TMEM163: variants seen among roughly 807,000 people sequenced by gnomAD.
The protein encoded by TMEM163 is transmembrane protein 163.
TMEM163 carries 17 observed loss-of-function variants against 29.3 expected under a neutral mutation model. The observed-to-expected ratio is 0.58, with a 90% CI of 0.40 to 0.87. The LOEUF (loss-of-function observed/expected upper bound fraction) is 0.87, where lower values mean the gene tolerates loss of function less well. TMEM163 is among the 40% of genes least tolerant of loss of function. TMEM163 has a pLI of 0.00. For missense variants in TMEM163, 303 were observed against 381.5 expected (o/e 0.79, Z 1.71); for synonymous variants, 157 against 160.6 (o/e 0.98, Z 0.17).
intron 2 of TMEM163, among the ~76,000 whole-genome samples, chr2:134,707,494 A>G (rs1257131231): frequency 6.6e-6 from 1 of 152,190 alleles, no homozygotes; most frequent in Non-Finnish European, 1.5e-5. Flanking sequence ...TTTCAGTAAA[A>G]TAAATACACG....
At chr2:134,555,358 C>A (rs1045453991) in intron 2 of TMEM163, among the ~76,000 whole-genome samples, 2 of 152,114 alleles carry the variant, frequency 1.3e-5, no homozygotes, top group African/African-American at 4.8e-5. Context: ...AGGCCTGAGC[C>A]AGGATGATTA....
At chr2:134,490,765 C>T (rs773543247) in intron 5 of TMEM163, among the ~76,000 whole-genome samples, 8 of 152,096 alleles carry the variant, frequency 5.3e-5, no homozygotes, top group Admixed American at 1.3e-4. Flanking sequence ...TCACATGTCA[C>T]GTAAAGGGGA....
intron 2 of TMEM163, among the ~76,000 whole-genome samples, chr2:134,577,345 C>T (rs889714356): frequency 2.6e-5 from 4 of 152,138 alleles, no homozygotes; most frequent in African/African-American, 7.2e-5. Context: ...GCCAAGGTCC[C>T]GGCAGGGACC....
At chr2:134,527,305 G>A (rs889529203) in intron 4 of TMEM163, among the ~76,000 whole-genome samples, 43 of 152,036 alleles carry the variant, frequency 2.8e-4, no homozygotes, top group Non-Finnish European at 5.6e-4. Flanking sequence ...ATGCTTGTGT[G>A]TATATACACT....
At chr2:134,625,950 C>G (rs1682840601) in intron 2 of TMEM163, among the ~76,000 whole-genome samples, 1 of 152,088 alleles carries the variant, frequency 6.6e-6, no homozygotes, top group Non-Finnish European at 1.5e-5. Context: ...AACAAATGAC[C>G]ACAAATTTTA....
chr2:134,488,149 T>C (rs553689648), intron 5 of TMEM163, among the ~76,000 whole-genome samples: 3 of 152,230 alleles, frequency 2.0e-5, no homozygotes, highest in African/African-American at 7.2e-5. Flanking sequence ...ATGGTTAATA[T>C]TGAGTGCCAA....
At chr2:134,493,663 C>T (rs1240389407) in intron 5 of TMEM163, among the ~76,000 whole-genome samples, 5 of 152,254 alleles carry the variant, frequency 3.3e-5, no homozygotes, top group African/African-American at 1.2e-4. Context: ...TGAGCCACTG[C>T]GCCCAGCCTT....
intron 2 of TMEM163, among the ~76,000 whole-genome samples, chr2:134,572,191 C>G (rs1681445676): frequency 6.6e-6 from 1 of 152,158 alleles, no homozygotes; most frequent in Admixed American, 6.5e-5. Context: ...AAAGCTAGAA[C>G]CAGCACCCAG....
chr2:134,530,194 T>C (rs886305400), intron 4 of TMEM163, among the ~76,000 whole-genome samples: 4 of 152,074 alleles, frequency 2.6e-5, no homozygotes, highest in Admixed American at 2.0e-4. Flanking sequence ...AAACAACCCA[T>C]CTTTCACTGT....
chr2:134,485,535 C>T (rs557429073), intron 5 of TMEM163, among the ~76,000 whole-genome samples: 4 of 152,192 alleles, frequency 2.6e-5, no homozygotes, highest in Admixed American at 1.3e-4. Flanking sequence ...GAAGGGTAGG[C>T]GGGGGTTCTC....
chr2:134,576,020 G>A (rs1291032207), intron 2 of TMEM163, among the ~76,000 whole-genome samples: 1 of 152,078 alleles, frequency 6.6e-6, no homozygotes, highest in East Asian at 1.9e-4. Context: ...GACACCCATG[G>A]GCACAGTAAG....
intron 2 of TMEM163, among the ~76,000 whole-genome samples, chr2:134,581,466 G>C (rs1256743662): frequency 6.6e-6 from 1 of 152,174 alleles, no homozygotes; most frequent in Non-Finnish European, 1.5e-5. Context: ...GAAATTGAAT[G>C]TCAACATTTA....
rs143022358 is a variant in TMEM163, at chr2:134,535,396, G to C, written c.458+15174C>G. Among the ~76,000 whole-genome samples, 816 of 152,320 alleles carry C rather than the reference G, an allele frequency of 5.4e-3. 8 individuals are homozygous for C. The highest frequency in any genetic ancestry group is 0.018 in the African/African-American group (735 of 41,572). On this transcript the variant is annotated intron_variant, in intron 4 of 7. Coordinates refer to ENST00000281924, the MANE Select transcript of TMEM163 (RefSeq NM_030923.5). Reference sequence around the variant, plus strand: ...AGAGACACAGCAATTTGCTTGTTCTGTCGCCCTAAGAAAGCTATGGAAAGA... The same window carrying C: ...AGAGACACAGCAATTTGCTTGTTCTCTCGCCCTAAGAAAGCTATGGAAAGA...
chr2:134,630,309 A>G (rs1456656388), intron 2 of TMEM163, among the ~76,000 whole-genome samples: 1 of 151,746 alleles, frequency 6.6e-6, no homozygotes, highest in East Asian at 1.9e-4. Flanking sequence ...GATCATTGGT[A>G]CCAGTGCCAC....
At chr2:134,541,780 A>AGTG (rs1680675720) in intron 4 of TMEM163, among the ~76,000 whole-genome samples, 2 of 146,020 alleles carry the variant, frequency 1.4e-5, no homozygotes, top group East Asian at 4.0e-4. Flanking sequence ...GTGCACACAC[A>AGTG]CACACACACA....
chr2:134,600,001 T>C (rs529634646), intron 2 of TMEM163, among the ~76,000 whole-genome samples: 18 of 152,270 alleles, frequency 1.2e-4, no homozygotes, highest in African/African-American at 4.3e-4. Flanking sequence ...ACCTAATCAA[T>C]TCCAGCGTTG....
At chr2:134,543,326 C>T (rs1024802892) in intron 4 of TMEM163, among the ~76,000 whole-genome samples, 3 of 152,244 alleles carry the variant, frequency 2.0e-5, no homozygotes, top group African/African-American at 4.8e-5. Flanking sequence ...GCTCCACCTT[C>T]TGCCTTAACT....
rs187788149 is a variant in TMEM163 at position 134,684,855 on chromosome 2, G to A, written c.322+28345C>T. ...CGAGAATTGCTTGAACCCGGGAGGC[G>A]GAGGTTGCAGTGAGCCAAGATTGTG... On this transcript the variant is annotated intron_variant, in intron 2 of 7. Transcript: ENST00000281924. Among the ~76,000 whole-genome samples the A allele has an allele frequency of 1.3e-3, 203 of 151,350 alleles. 1 individual carries two copies. Among genetic ancestry groups the A allele is most frequent in the Middle Eastern group, 3.4e-3 (1 of 294 alleles).
At chr2:134,499,173 TA>T (rs1329746356) in intron 5 of TMEM163, among the ~76,000 whole-genome samples, 1 of 148,436 alleles carries the variant, frequency 6.7e-6, no homozygotes, top group African/African-American at 2.4e-5. Context: ...ACTTGTTAAT[TA>T]AAAAAATATA....
Sources: allele counts gnomAD v4.1 joint callset (sites outside exome capture counted in the v4.1 genomes callset), GRCh38; gene constraint gnomAD v4.1.1; transcripts MANE v1.5; gene names NCBI Gene and HGNC (gene_info 2026-07-23, HGNC 2026-07-21).